The following ABLIM3 variants were observed in gnomAD, a reference collection of about 807,000 sequenced individuals.
The protein encoded by ABLIM3 is actin-binding LIM protein 3.
In ABLIM3, 61 loss-of-function variants were observed where a neutral mutation model predicts 109.5. That is an observed-to-expected ratio of 0.56 (90% CI 0.45 to 0.69). The LOEUF is 0.69. Among genes scored for constraint, ABLIM3 ranks in the 30% least tolerant of loss-of-function variants. The probability of loss-of-function intolerance (pLI) is 0.00; values close to 1 mark genes in which losing one functional copy is unlikely to be tolerated. For synonymous variants in ABLIM3, 300 were observed against 324.8 expected (o/e 0.92, Z 0.82); for missense variants, 796 against 889.5 (o/e 0.89, Z 1.34).
intron 2 of ABLIM3, among the ~76,000 whole-genome samples, chr5:149,156,106 T>C (rs752430672): frequency 1.3e-5 from 2 of 152,250 alleles, no homozygotes; most frequent in Non-Finnish European, 2.9e-5. Flanking sequence ...AAGCTGTGCA[T>C]TTCTGCAACT....
intron 8 of ABLIM3, among the ~76,000 whole-genome samples, chr5:149,223,296 G>A (rs1047824458): frequency 6.6e-6 from 1 of 152,022 alleles, no homozygotes; most frequent in African/African-American, 2.4e-5. Flanking sequence ...ATGTCACATC[G>A]ACTTCAGCAG....
At chr5:149,237,371 T>A in intron 10 of ABLIM3, 77 bp from the exon 11 acceptor site, 1 of 1,462,998 alleles carries the variant, frequency 6.8e-7, no homozygotes, top group Non-Finnish European at 9.3e-7. Flanking sequence ...TTCTGTATCT[T>A]GTTTTTGTTT....
At chr5:149,191,287 AATATT>A (rs1401194326) in intron 3 of ABLIM3, among the ~76,000 whole-genome samples, 2 of 152,194 alleles carry the variant, frequency 1.3e-5, no homozygotes, top group African/African-American at 4.8e-5. Flanking sequence ...CATAAAAAGA[AATATT>A]ATAAACAATT....
At chr5:149,239,418 G>A (rs939647748) in intron 12 of ABLIM3, 141 bp downstream of exon 12, 14 of 952,742 alleles carry the variant, frequency 1.5e-5, no homozygotes, top group East Asian at 2.5e-5. Context: ...AGAGACTCGG[G>A]TGCATGTCCT....
chr5:149,193,111 G>GA (rs763460339), intron 3 of ABLIM3, among the ~76,000 whole-genome samples: 1 of 151,932 alleles, frequency 6.6e-6, no homozygotes, highest in Non-Finnish European at 1.5e-5. Context: ...AAAAAGAAAA[G>GA]AAAAAAAGGA....
intron 7 of ABLIM3, among the ~76,000 whole-genome samples, chr5:149,214,422 T>C (rs983727717): frequency 2.6e-5 from 4 of 152,218 alleles, no homozygotes; most frequent in Admixed American, 2.0e-4. Flanking sequence ...AACTTCTCTT[T>C]TCTAATAGCT....
intron 16 of ABLIM3, among the ~76,000 whole-genome samples, 197 bp from the exon 17 acceptor site, chr5:149,246,285 G>C (rs1224835029): frequency 6.6e-6 from 1 of 152,182 alleles, no homozygotes; most frequent in Non-Finnish European, 1.5e-5. Context: ...CCCCACAGGA[G>C]AGGAGTGTTC....
intron 2 of ABLIM3, among the ~76,000 whole-genome samples, chr5:149,168,152 A>T (rs1195366796): frequency 6.6e-6 from 1 of 152,208 alleles, no homozygotes; most frequent in Non-Finnish European, 1.5e-5. Flanking sequence ...AATTGTCCCC[A>T]ATAGAGAACT....
chr5:149,247,114 C>T (rs984368293), intron 17 of ABLIM3, among the ~76,000 whole-genome samples: 3 of 152,264 alleles, frequency 2.0e-5, no homozygotes, highest in Admixed American at 1.3e-4. Flanking sequence ...TATTATTCAG[C>T]CATGAAAAGA....
At chr5:149,193,074 T>C (rs1757646441) in intron 3 of ABLIM3, among the ~76,000 whole-genome samples, 1 of 152,128 alleles carries the variant, frequency 6.6e-6, no homozygotes, top group African/African-American at 2.4e-5. Flanking sequence ...GATAGATTTT[T>C]ATTCAAACAA....
Position 149,198,192 on chromosome 5 carries a change from C to T in ABLIM3, c.152-27C>T. On this transcript the variant is annotated intron_variant, in intron 3 of 23. Transcript: ENST00000309868. This position sits in a 1 kb window ranked among gnomAD's most constrained non-coding sequence, Gnocchi z 4.2. ...ACAGACCCTCCCTGGACTCAACCTG[C>T]CCTTGTTTTCCTCCTTGTTCCCCAA... The T allele has an allele frequency of 6.3e-7, 1 of 1,597,026 alleles. No homozygotes were observed. The highest frequency in any genetic ancestry group is 8.5e-7 in the Non-Finnish European group (1 of 1,171,148).
chr5:149,142,305 G>C (rs944082297), intron 2 of ABLIM3, among the ~76,000 whole-genome samples, 197 bp downstream of exon 2: 2 of 152,186 alleles, frequency 1.3e-5, no homozygotes, highest in Non-Finnish European at 2.9e-5. Context: ...TGATAATTTT[G>C]CCAATATTTT....
At chr5:149,223,314 G>A (rs1760848382) in intron 8 of ABLIM3, among the ~76,000 whole-genome samples, 1 of 152,132 alleles carries the variant, frequency 6.6e-6, no homozygotes, top group Admixed American at 6.5e-5. Flanking sequence ...CAGTCAATTT[G>A]TCCATGTTGG....
chr5:149,240,569 C>A, intron 13 of ABLIM3, 107 bp from the exon 14 acceptor site: 1 of 859,560 alleles, frequency 1.2e-6, no homozygotes, highest in East Asian at 2.4e-5. Context: ...CAGCCCATCC[C>A]CCATCTCTGC....
chr5:149,171,789 C>T (rs1234864994), intron 2 of ABLIM3, among the ~76,000 whole-genome samples: 1 of 152,170 alleles, frequency 6.6e-6, no homozygotes, highest in Non-Finnish European at 1.5e-5. Flanking sequence ...TCAGTTTGGC[C>T]CCAATCCATG....
At chr5:149,189,980 G>C (rs1355387307) in intron 3 of ABLIM3, among the ~76,000 whole-genome samples, 1 of 152,154 alleles carries the variant, frequency 6.6e-6, no homozygotes, top group Non-Finnish European at 1.5e-5. Context: ...ATCAACAAAT[G>C]AATGGATAAA....
rs945272497 is a variant in ABLIM3, at chr5:149,169,100, G to A, written c.14-14352G>A. 4.9e-4 allele frequency among the ~76,000 whole-genome samples: 15 copies of A among 30,782 alleles called. No homozygotes were observed. The East Asian group carries it at 5.4e-3, about 11-fold the overall frequency. 20.2% of individuals were successfully genotyped at this position (30,782 alleles called of 152,430 possible). Reference sequence around the variant, plus strand: ...TTGCTGTAGGACCCCCCCACCCCCCGTCTCACCCTAACTCTCCTTGGCTAA... The same window carrying A: ...TTGCTGTAGGACCCCCCCACCCCCCATCTCACCCTAACTCTCCTTGGCTAA... On this transcript the variant is annotated intron_variant, in intron 2 of 23. Transcript: ENST00000309868.
intron 3 of ABLIM3, among the ~76,000 whole-genome samples, chr5:149,191,279 T>TA (rs140973425): frequency 0.05 from 7,583 of 152,094 alleles, 573 homozygotes; most frequent in African/African-American, 0.17. Flanking sequence ...ATTAAAGACA[T>TA]AAAAAGAAAT....
At position 149,246,466 on chromosome 5, in the gene ABLIM3, T is replaced by G. The variant is rs760269388; in HGVS notation, c.1487-16T>G. On this transcript the variant is annotated splice_polypyrimidine_tract_variant and intron_variant, in intron 16 of 23. Coordinates refer to ENST00000309868, the MANE Select transcript of ABLIM3 (RefSeq NM_014945.5). ...GGGTGCACATGCCGGAGCTGATCTT[T>G]TCTGTCTTTTGACAGTGCCCCGAGC... The G allele has an allele frequency of 3.7e-6, 6 of 1,613,934 alleles. No homozygotes were observed. In the East Asian group the frequency reaches 1.3e-4, roughly 36 times the overall value.
Sources: gnomAD v4.1 joint callset for allele counts (sites outside exome capture counted in the v4.1 genomes callset) on GRCh38, gnomAD v4.1.1 for gene constraint, Gnocchi (gnomAD v3.1) non-coding constraint, MANE v1.5 for transcripts, NCBI Gene and HGNC (gene_info 2026-07-23, HGNC 2026-07-21) for gene names.